RAPH1: variants seen among roughly 807,000 people sequenced by gnomAD.
RAPH1 encodes the protein Ras association (RalGDS/AF-6) and pleckstrin homology domains 1, also known as ras-associated and pleckstrin homology domains-containing protein 1.
In RAPH1, 18 loss-of-function variants were observed where a neutral mutation model predicts 88.1. That is an observed-to-expected ratio of 0.20 (90% CI 0.14 to 0.30). RAPH1 has a LOEUF of 0.30. RAPH1 is among the 10% of genes least tolerant of loss of function. The pLI, the probability that RAPH1 is intolerant of heterozygous loss-of-function variation, is 1.00. For missense variants in RAPH1, 1,448 were observed against 1,543.2 expected (o/e 0.94, Z 1.03); for synonymous variants, 587 against 559.0 (o/e 1.05, Z -0.71).
chr2:203,496,162 C>T (rs1239241877), intron 1 of RAPH1, among the ~76,000 whole-genome samples: 3 of 152,132 alleles, frequency 2.0e-5, no homozygotes, highest in Non-Finnish European at 4.4e-5. Flanking sequence ...GGTTTGAAAC[C>T]AGCCTGGCCA....
intron 1 of RAPH1, among the ~76,000 whole-genome samples, chr2:203,504,624 C>T (rs181712563): frequency 7.5e-4 from 114 of 151,838 alleles, no homozygotes; most frequent in African/African-American, 2.7e-3. Flanking sequence ...TAACATTAGG[C>T]TCCTTGCTAT....
chr2:203,470,935 C>A (rs1054656873), intron 4 of RAPH1, among the ~76,000 whole-genome samples: 1 of 152,104 alleles, frequency 6.6e-6, no homozygotes, highest in African/African-American at 2.4e-5. Context: ...ATTTGCAGAG[C>A]AAATGAATGA....
At chr2:203,521,740 A>G (rs903807862) in intron 1 of RAPH1, among the ~76,000 whole-genome samples, 11 of 152,168 alleles carry the variant, frequency 7.2e-5, no homozygotes, top group Non-Finnish European at 1.3e-4. Flanking sequence ...ACCCCCCCAC[A>G]CATTATATTA....
chr2:203,448,156 A>C lies in RAPH1; in HGVS notation c.1513-77T>G. On this transcript the variant is annotated intron_variant, in intron 11 of 13. Coordinates refer to ENST00000319170, the MANE Select transcript of RAPH1 (RefSeq NM_213589.3). This position sits in a 1 kb window ranked among gnomAD's most constrained non-coding sequence, Gnocchi z 4.1. ...AGAAGGATAAGGTGAAATGGGGGAC[A>C]TATTTCTGTTTACTGATTGATGGTC... 2.8e-6 allele frequency: 4 copies of C among 1,409,612 alleles called. No individual in the cohort carries two copies. Among genetic ancestry groups the C allele is most frequent in the Non-Finnish European group, 3.9e-6 (4 of 1,019,874 alleles). The allele number at this position is 1,409,612 out of a possible 1,614,324, so 87.3% of individuals were successfully genotyped here.
chr2:203,507,688 G>C (rs547091394), intron 1 of RAPH1, among the ~76,000 whole-genome samples: 1 of 152,242 alleles, frequency 6.6e-6, no homozygotes, highest in Admixed American at 6.5e-5. Flanking sequence ...GAAAGGCTAA[G>C]GAAATGTTCC....
intron 1 of RAPH1, among the ~76,000 whole-genome samples, chr2:203,515,407 A>G (rs1016726242): frequency 1.8e-4 from 27 of 152,322 alleles, no homozygotes; most frequent in Admixed American, 6.5e-4. Flanking sequence ...GGCAGTGTCA[A>G]GTTTAGTGCC....
chr2:203,457,184 T>G (rs1377212820), intron 8 of RAPH1, among the ~76,000 whole-genome samples: 1 of 151,564 alleles, frequency 6.6e-6, no homozygotes, highest in East Asian at 2.0e-4. Context: ...ATTTTATTTA[T>G]TTATTTATTT....
chr2:203,520,803 T>C (rs939483034), intron 1 of RAPH1, among the ~76,000 whole-genome samples: 17 of 152,118 alleles, frequency 1.1e-4, no homozygotes, highest in African/African-American at 4.1e-4. Context: ...TGGTAGGACA[T>C]ATATTCCTCA....
rs1215719829 is a variant in RAPH1, at chr2:203,454,451, T to C, written c.1392A>G (p.Thr464=). The change falls in exon 10 of 14, where the codon ACA becomes ACG. Residue 464 remains threonine (T), a synonymous_variant. Coordinates refer to ENST00000319170, the MANE Select transcript of RAPH1 (RefSeq NM_213589.3). ...TTACCTTCAGCACCAGACAATAGTC[T>C]GTAGGTGCTTTGTATTTGTTCCGAT... ...QDYRNKYKAP[T]DYCLVLKHPQ... The C allele has an allele frequency of 5.6e-6, 9 of 1,612,174 alleles. No individual in the cohort carries two copies. Among genetic ancestry groups the C allele is most frequent in the African/African-American group, 1.3e-5 (1 of 75,012 alleles).
At chr2:203,510,850 G>T (rs569639280) in intron 1 of RAPH1, among the ~76,000 whole-genome samples, 1 of 152,196 alleles carries the variant, frequency 6.6e-6, no homozygotes, top group East Asian at 1.9e-4. Context: ...CTTGAGCCCA[G>T]GAGTTCGAAA....
chr2:203,498,888 A>G (rs1456958346), intron 1 of RAPH1, among the ~76,000 whole-genome samples: 1 of 152,140 alleles, frequency 6.6e-6, no homozygotes, highest in Non-Finnish European at 1.5e-5. Context: ...CGGTGGTCCC[A>G]TAAGTATTTT....
At chr2:203,475,208 C>T (rs1192468965) in intron 4 of RAPH1, among the ~76,000 whole-genome samples, 1 of 152,140 alleles carries the variant, frequency 6.6e-6, no homozygotes, top group Admixed American at 6.5e-5. Flanking sequence ...GAGATCAATA[C>T]CATCCTGGCT....
chr2:203,454,597 T>C, intron 9 of RAPH1, 57 bp from the exon 10 acceptor site: 2 of 1,260,964 alleles, frequency 1.6e-6, no homozygotes, highest in Admixed American at 2.0e-5. Context: ...CAAGCAAATA[T>C]ACCTGGTTAA....
chr2:203,458,440 TAGG>T (rs1559459572), intron 7 of RAPH1, among the ~76,000 whole-genome samples: 1 of 152,140 alleles, frequency 6.6e-6, no homozygotes, highest in African/African-American at 2.4e-5. Flanking sequence ...TTGTTGTCCA[TAGG>T]AGATTGATTC....
At chr2:203,457,700 T>C (rs764703407) in intron 7 of RAPH1, 105 bp from the exon 8 acceptor site, 163 of 876,128 alleles carry the variant, frequency 1.9e-4, no homozygotes, top group Middle Eastern at 8.9e-4. Flanking sequence ...GTATGTTTTC[T>C]TCTAGAGAAA....
In RAPH1 at chr2:203,459,705, A is replaced by G. The variant is rs559902628; in HGVS notation, c.1092+202T>C. 4.6e-5 allele frequency among the ~76,000 whole-genome samples: 7 copies of G among 152,304 alleles called. No individual in the cohort carries two copies. The South Asian group carries it at 1.5e-3, about 32-fold the overall frequency. On this transcript the variant is annotated intron_variant, in intron 7 of 13. Coordinates refer to ENST00000319170, the MANE Select transcript of RAPH1 (RefSeq NM_213589.3). ...GTTCTGGAGGACTGGGAACCTCTTT[A>G]GGGCCTAACACGTGGGCACCAGCTG...
intron 1 of RAPH1, among the ~76,000 whole-genome samples, chr2:203,503,655 C>A (rs1270693790): frequency 6.6e-6 from 1 of 152,140 alleles, no homozygotes; most frequent in Non-Finnish European, 1.5e-5. Flanking sequence ...ATCATGCCTT[C>A]CCAACAGTCT....
intron 4 of RAPH1, among the ~76,000 whole-genome samples, chr2:203,464,940 ACCACTACACACCTATCAGAATGG>A (rs1213515983): frequency 6.6e-6 from 1 of 152,234 alleles, no homozygotes; most frequent in African/African-American, 2.4e-5. Context: ...AAAATGAGAT[ACCACTACACACCTATCAGAATGG>A]CCAAAATCCA....
chr2:203,484,547 G>C (rs972508255), intron 4 of RAPH1, among the ~76,000 whole-genome samples: 1 of 152,202 alleles, frequency 6.6e-6, no homozygotes, highest in Non-Finnish European at 1.5e-5. Context: ...GATTAAAATG[G>C]GGGTGGGAAG....
Sources: gnomAD v4.1 joint callset for allele counts (sites outside exome capture counted in the v4.1 genomes callset) on GRCh38, gnomAD v4.1.1 for gene constraint, Gnocchi (gnomAD v3.1) non-coding constraint, MANE v1.5 for transcripts, NCBI Gene and HGNC (gene_info 2026-07-23, HGNC 2026-07-21) for gene names.